CMTM8: variants seen among roughly 807,000 people sequenced by gnomAD.
CMTM8 encodes CKLF-like MARVEL transmembrane domain-containing protein 8.
CMTM8 carries 12 observed loss-of-function variants against 18.6 expected under a neutral mutation model. The observed-to-expected ratio is 0.65, with a 90% CI of 0.41 to 1.05. CMTM8 has a LOEUF of 1.05. Among genes scored for constraint, CMTM8 ranks in the 50% least tolerant of loss-of-function variants. The pLI is 0.00. For synonymous variants in CMTM8, 87 were observed against 90.6 expected, an observed-to-expected ratio of 0.96 and a Z score of 0.23; for missense variants, 217 against 227.2, an observed-to-expected ratio of 0.95 and a Z score of 0.29.
At chr3:32,327,105 A>T (rs888160288) in intron 1 of CMTM8, among the ~76,000 whole-genome samples, 1 of 148,664 alleles carries the variant, frequency 6.7e-6, no homozygotes, top group Non-Finnish European at 1.5e-5. Context: ...TTCAGCTGCT[A>T]GAAGAGTTAA....
At chr3:32,259,106 C>A in intron 1 of CMTM8, 1 of 393,532 alleles carries the variant, frequency 2.5e-6, no homozygotes, top group Non-Finnish European at 4.9e-6. Flanking sequence ...TCCTGCTCCA[C>A]CAGCTTCCAG....
chr3:32,258,086 C>G (rs962821447), intron 1 of CMTM8, among the ~76,000 whole-genome samples: 3 of 152,172 alleles, frequency 2.0e-5, no homozygotes, highest in Admixed American at 2.0e-4. Context: ...GCAGATTACC[C>G]TTAACTCATT....
intron 1 of CMTM8, among the ~76,000 whole-genome samples, chr3:32,248,097 T>C (rs1269079999): frequency 6.6e-6 from 1 of 152,256 alleles, no homozygotes; most frequent in Non-Finnish European, 1.5e-5. Context: ...CATTATTTTA[T>C]TTACTCATCA....
chr3:32,290,299 A>G (rs1254339786), intron 1 of CMTM8, among the ~76,000 whole-genome samples: 2 of 152,196 alleles, frequency 1.3e-5, no homozygotes, highest in Non-Finnish European at 2.9e-5. Flanking sequence ...AAAACTTTAT[A>G]TATTACCTTT....
intron 1 of CMTM8, among the ~76,000 whole-genome samples, chr3:32,322,288 C>T (rs1034916661): frequency 2.6e-5 from 4 of 151,908 alleles, no homozygotes; most frequent in Non-Finnish European, 4.4e-5. Flanking sequence ...TTTTTTCCTC[C>T]CTGGAGTAGT....
chr3:32,332,783 G>A (rs1252638457), intron 1 of CMTM8, among the ~76,000 whole-genome samples: 1 of 152,064 alleles, frequency 6.6e-6, no homozygotes, highest in Non-Finnish European at 1.5e-5. Flanking sequence ...TGTTGGACTT[G>A]GGAAAAGAGT....
intron 1 of CMTM8, among the ~76,000 whole-genome samples, chr3:32,338,019 C>G (rs1377868257): frequency 7.4e-6 from 1 of 135,316 alleles, no homozygotes; most frequent in Non-Finnish European, 1.5e-5. Context: ...GAGTCTCACT[C>G]TGTCGCCAGG....
At chr3:32,365,303 GA>G (rs71630518) in intron 2 of CMTM8, among the ~76,000 whole-genome samples, 43 of 144,670 alleles carry the variant, frequency 3.0e-4, no homozygotes, top group African/African-American at 4.1e-4. Flanking sequence ...CGGTATTTGA[GA>G]AAAAAAAAAA....
At chr3:32,359,504 C>A (rs958624811) in intron 2 of CMTM8, among the ~76,000 whole-genome samples, 11 of 152,106 alleles carry the variant, frequency 7.2e-5, no homozygotes, top group South Asian at 2.1e-4. Flanking sequence ...GCAGGAGAAT[C>A]GCTCGAACCC....
intron 1 of CMTM8, among the ~76,000 whole-genome samples, chr3:32,295,184 G>A (rs568386842): frequency 6.6e-6 from 1 of 152,024 alleles, no homozygotes; most frequent in East Asian, 1.9e-4. Context: ...GGCTGGGCAC[G>A]GTAGCTCATG....
chr3:32,359,183 T>G (rs1417177009), intron 2 of CMTM8, among the ~76,000 whole-genome samples: 6 of 152,198 alleles, frequency 3.9e-5, no homozygotes, highest in African/African-American at 1.2e-4. Context: ...AGATAGTAAG[T>G]ACTGTAGTCG....
chr3:32,337,851 C>T (rs1318980307), intron 1 of CMTM8, among the ~76,000 whole-genome samples: 1 of 152,096 alleles, frequency 6.6e-6, no homozygotes, highest in Admixed American at 6.6e-5. Flanking sequence ...CAAGTCCAGC[C>T]AGAACACAGT....
Position 32,298,943 on chromosome 3 carries a change from A to G in CMTM8, c.148-58430A>G, listed in dbSNP as rs796106226. Among the ~76,000 whole-genome samples the G allele has an allele frequency of 1.1e-3, 138 of 130,964 alleles. 1 individual carries two copies. The East Asian group carries it at 0.022, about 21-fold the overall frequency. 85.9% of individuals were successfully genotyped at this position (130,964 alleles called of 152,430 possible). On this transcript the variant is annotated intron_variant, in intron 1 of 3. Transcript: ENST00000307526. ...CACACACATATATATATATATATGT[A>G]TATATATATATATTTTTTTTTTTTT...
rs1190689423 is a variant in CMTM8, at chr3:32,310,695, C to G, written c.148-46678C>G. On this transcript the variant is annotated intron_variant, in intron 1 of 3. Transcript: ENST00000307526. ...TGCTTTTGAGTGGTGCCAGGTGCAA[C>G]TCTGAATGTCTAAATAAACTAGGAA... Among the ~76,000 whole-genome samples the G allele has an allele frequency of 2.0e-5, 3 of 151,940 alleles. No individual in the cohort carries two copies. The East Asian group carries it at 5.9e-4, about 30-fold the overall frequency.
chr3:32,350,359 C>CTTTT (rs527757254), intron 1 of CMTM8, among the ~76,000 whole-genome samples: 4 of 136,170 alleles, frequency 2.9e-5, no homozygotes, highest in South Asian at 2.4e-4. Flanking sequence ...GTGTTCTAAG[C>CTTTT]TTTTTTTTTT....
intron 1 of CMTM8, among the ~76,000 whole-genome samples, chr3:32,303,547 C>T (rs17029172): frequency 0.11 from 16,791 of 152,170 alleles, 1,210 homozygotes; most frequent in East Asian, 0.42. Flanking sequence ...GTTTGGTTCT[C>T]ATACTTTCTT....
At chr3:32,356,080 A>G (rs867519656) in intron 1 of CMTM8, among the ~76,000 whole-genome samples, 4 of 152,220 alleles carry the variant, frequency 2.6e-5, no homozygotes, top group Non-Finnish European at 5.9e-5. Context: ...GATATGTACA[A>G]TTTGTATACC....
At chr3:32,356,971 G>T (rs749078966) in intron 1 of CMTM8, among the ~76,000 whole-genome samples, 11 of 152,218 alleles carry the variant, frequency 7.2e-5, no homozygotes, top group Non-Finnish European at 1.2e-4. Context: ...GATATTGTTG[G>T]TCCCTGCCTG....
intron 1 of CMTM8, among the ~76,000 whole-genome samples, chr3:32,246,078 A>C (rs1219381790): frequency 6.6e-6 from 1 of 152,198 alleles, no homozygotes; most frequent in Non-Finnish European, 1.5e-5. Flanking sequence ...TTGGCCTCAC[A>C]GTTGTTCCAG....
Sources: gnomAD v4.1 joint callset for allele counts (sites outside exome capture counted in the v4.1 genomes callset) on GRCh38, gnomAD v4.1.1 for gene constraint, MANE v1.5 for transcripts, NCBI Gene and HGNC (gene_info 2026-07-23, HGNC 2026-07-21) for gene names.